The following HMGCS1 variants were observed in gnomAD, a reference collection of about 807,000 sequenced individuals.
HMGCS1 encodes the protein 3-hydroxy-3-methylglutaryl-CoA synthase 1.
In HMGCS1, 9 loss-of-function variants were observed where a neutral mutation model predicts 52.3. That is an observed-to-expected ratio of 0.17 (90% CI 0.10 to 0.30). The LOEUF (loss-of-function observed/expected upper bound fraction) is 0.30. HMGCS1 is among the 10% of genes least tolerant of loss of function. The pLI is 1.00. For synonymous variants in HMGCS1, 176 were observed against 214.4 expected, an observed-to-expected ratio of 0.82 and a Z score of 1.57; for missense variants, 320 against 620.9, an observed-to-expected ratio of 0.52 and a Z score of 5.15.
chr5:43,304,523 T>C (rs1754469373), intron 2 of HMGCS1, among the ~76,000 whole-genome samples: 2 of 152,272 alleles, frequency 1.3e-5, no homozygotes, highest in Admixed American at 1.3e-4. Context: ...TAAAAAGTTA[T>C]AATGCAAGGC....
intron 1 of HMGCS1, among the ~76,000 whole-genome samples, chr5:43,308,677 C>A (rs774320272): frequency 1.3e-5 from 2 of 152,174 alleles, no homozygotes; most frequent in Non-Finnish European, 1.5e-5. Context: ...CTTGAGATGG[C>A]AACTTCTATG....
chr5:43,291,859 T>C (rs1174852117), intron 10 of HMGCS1, among the ~76,000 whole-genome samples: 1 of 152,190 alleles, frequency 6.6e-6, no homozygotes, highest in Non-Finnish European at 1.5e-5. Flanking sequence ...TGGGATGAGA[T>C]GTGAAAGGAT....
intron 2 of HMGCS1, among the ~76,000 whole-genome samples, 172 bp downstream of exon 2, chr5:43,307,594 T>C (rs1404435268): frequency 6.6e-6 from 1 of 152,222 alleles, no homozygotes; most frequent in Non-Finnish European, 1.5e-5. Flanking sequence ...AACATAAAAT[T>C]AGTTTCCTGA....
chr5:43,312,365 G>A (rs902495638), intron 1 of HMGCS1, among the ~76,000 whole-genome samples: 20 of 152,226 alleles, frequency 1.3e-4, no homozygotes, highest in Admixed American at 4.6e-4. Context: ...GGTGAGCAGT[G>A]AAAGCAGCTA....
rs887517840 is a variant in HMGCS1, at chr5:43,298,227, C to T, written c.449-93G>A. 2.0e-5 allele frequency: 22 copies of T among 1,091,764 alleles called. No individual in the cohort carries two copies. In the East Asian group the frequency reaches 3.4e-4, roughly 17 times the overall value. 67.6% of individuals were successfully genotyped at this position (1,091,764 alleles called of 1,614,324 possible). A position where few individuals can be genotyped will look rare whatever the true frequency, so the allele number is the denominator to read the frequency against. On this transcript the variant is annotated intron_variant, in intron 3 of 10. Transcript: ENST00000325110. The surrounding 1 kb of genome is among the most constrained non-coding windows in gnomAD (Gnocchi z 5.6). ...TCTGTTATATTTTCCCCAGAATATG[C>T]TTTTCCCTTCTTTGATAAAGAAAGA...
At chr5:43,306,590 T>C (rs540302471) in intron 2 of HMGCS1, among the ~76,000 whole-genome samples, 2 of 152,332 alleles carry the variant, frequency 1.3e-5, no homozygotes, top group East Asian at 1.9e-4. Flanking sequence ...GAAATGCTCA[T>C]TGGAACATTT....
intron 2 of HMGCS1, among the ~76,000 whole-genome samples, chr5:43,305,938 A>G (rs1201045131): frequency 6.6e-6 from 1 of 152,044 alleles, no homozygotes; most frequent in Non-Finnish European, 1.5e-5. Flanking sequence ...TACTATATTC[A>G]CCATAAAATA....
At chr5:43,294,209 T>C in intron 7 of HMGCS1, 47 bp from the exon 8 acceptor site, 1 of 1,165,114 alleles carries the variant, frequency 8.6e-7, no homozygotes, top group Non-Finnish European at 1.3e-6. Flanking sequence ...GATCCAAAGC[T>C]ACAGCGTGTG....
intron 6 of HMGCS1, among the ~76,000 whole-genome samples, chr5:43,295,188 T>A (rs1322465945): frequency 6.6e-6 from 1 of 152,230 alleles, no homozygotes; most frequent in African/African-American, 2.4e-5. Context: ...CTGAATAGAA[T>A]ACTATTTCAA....
intron 5 of HMGCS1, among the ~76,000 whole-genome samples, chr5:43,296,193 T>A (rs542793376): frequency 6.6e-6 from 1 of 152,142 alleles, no homozygotes; most frequent in African/African-American, 2.4e-5. Flanking sequence ...TTTTTTTAAA[T>A]AAAAGAGTAT....
chr5:43,305,503 C>CCA (rs1265577189), intron 2 of HMGCS1, among the ~76,000 whole-genome samples: 8 of 151,934 alleles, frequency 5.3e-5, no homozygotes, highest in African/African-American at 1.9e-4. Context: ...GGTGTGATGG[C>CCA]TCACACCTGT....
At chr5:43,309,413 T>A (rs985949157) in intron 1 of HMGCS1, among the ~76,000 whole-genome samples, 17 of 152,054 alleles carry the variant, frequency 1.1e-4, no homozygotes, top group African/African-American at 3.9e-4. Context: ...CTGATTTTTG[T>A]ATTTTTTGTA....
At position 43,298,214 on chromosome 5, in the gene HMGCS1, TC is replaced by T. The variant is rs1754129520; in HGVS notation, c.449-81del. 1 of 1,239,614 alleles carries T rather than the reference TC, an allele frequency of 8.1e-7. No individual in the cohort carries two copies. The highest frequency in any genetic ancestry group is 2.4e-5 in the East Asian group (1 of 41,924). The allele number at this position is 1,239,614 out of a possible 1,614,324, so 76.8% of individuals were successfully genotyped here. On this transcript the variant is annotated intron_variant, in intron 3 of 10. Coordinates refer to ENST00000325110, the MANE Select transcript of HMGCS1 (RefSeq NM_001098272.3). This position sits in a 1 kb window ranked among gnomAD's most constrained non-coding sequence, Gnocchi z 5.6. The stretch of plus-strand genomic sequence containing the variant: ...ATGGAAACTGAAGTCTGTTATATTT[TC>T]CCCAGAATATGCTTTTCCCTTCTTT...
At chr5:43,302,159 G>A (rs1375472267) in intron 2 of HMGCS1, among the ~76,000 whole-genome samples, 1 of 152,052 alleles carries the variant, frequency 6.6e-6, no homozygotes, top group Admixed American at 6.6e-5. Flanking sequence ...TCCTATATGG[G>A]ACTTAACACA....
At position 43,289,991 on chromosome 5, in the gene HMGCS1, G is replaced by T. The variant is rs1351521426; in HGVS notation, c.*1140C>A. On this transcript the variant is annotated 3_prime_UTR_variant, in exon 11 of 11. Coordinates refer to ENST00000325110, the MANE Select transcript of HMGCS1 (RefSeq NM_001098272.3). The stretch of plus-strand genomic sequence containing the variant: ...CTGTGTGATAGTTTTGTTTGTTGTT[G>T]TTTTTTAAGGTAAAAGTCCTACTTC... The T allele has an allele frequency of 6.7e-6, 1 of 149,298 alleles. No individual in the cohort carries two copies. The allele number at this position is 149,298 out of a possible 1,614,324, so 9.2% of individuals were successfully genotyped here. A position where few individuals can be genotyped will look rare whatever the true frequency, so the allele number is the denominator to read the frequency against.
chr5:43,297,882 C>T (rs920888929), intron 4 of HMGCS1, 127 bp downstream of exon 4: 2 of 643,234 alleles, frequency 3.1e-6, no homozygotes, highest in South Asian at 4.8e-5. Flanking sequence ...TGATAACACA[C>T]ATAAAGCTCT....
chr5:43,289,266 T>C lies in HMGCS1; in HGVS notation c.*1865A>G, dbSNP rs1039294534. On this transcript the variant is annotated 3_prime_UTR_variant, in exon 11 of 11. Coordinates refer to ENST00000325110, the MANE Select transcript of HMGCS1 (RefSeq NM_001098272.3). The stretch of plus-strand genomic sequence containing the variant: ...CTTATATTAGGATTTCAAATGTTTG[T>C]GAAATGATAAATGAATGGAATGAGT... 2.0e-5 allele frequency: 3 copies of C among 152,450 alleles called. No homozygotes were observed. The highest frequency in any genetic ancestry group is 7.2e-5 in the African/African-American group (3 of 41,454). 9.4% of individuals were successfully genotyped at this position (152,450 alleles called of 1,614,324 possible).
chr5:43,298,183 C>A lies in HMGCS1; in HGVS notation c.449-49G>T. On this transcript the variant is annotated intron_variant, in intron 3 of 10. Coordinates refer to ENST00000325110, the MANE Select transcript of HMGCS1 (RefSeq NM_001098272.3). The surrounding 1 kb of genome is among the most constrained non-coding windows in gnomAD (Gnocchi z 5.6). ...CACAAGAAGGAATTCAACACTATAA[C>A]CAAACATGGAAACTGAAGTCTGTTA... 1 of 1,512,388 alleles carries A rather than the reference C, an allele frequency of 6.6e-7. No individual in the cohort carries two copies. Among genetic ancestry groups the A allele is most frequent in the South Asian group, 1.2e-5 (1 of 83,202 alleles). The allele number at this position is 1,512,388 out of a possible 1,614,324, so 93.7% of individuals were successfully genotyped here.
At position 43,294,740 on chromosome 5, in the gene HMGCS1, T is replaced by C; in HGVS notation, c.1027A>G (p.Asn343Asp). 1 of 1,612,870 alleles carries C rather than the reference T, an allele frequency of 6.2e-7. No homozygotes were observed. The highest frequency in any genetic ancestry group is 8.5e-7 in the Non-Finnish European group (1 of 1,179,124). The change falls in exon 7 of 11, where the codon AAT (asparagine) becomes GAT (aspartate). Residue 343 changes from asparagine to aspartate, a missense_variant. Around this residue, in one of 3 missense-constraint regions of HMGCS1, gnomAD observed 213 missense variants for 337.4 expected, o/e 0.63. Coordinates refer to ENST00000325110, the MANE Select transcript of HMGCS1 (RefSeq NM_001098272.3). ...ASLLVSNQNG[N>D]MYTSSVYGSL... Reference sequence around the variant, plus strand: ...CCATATACTGAAGATGTGTACATATTTCCATTTTGATTTGATACAAGTAAA... The same window carrying C: ...CCATATACTGAAGATGTGTACATATCTCCATTTTGATTTGATACAAGTAAA...
Sources: allele counts gnomAD v4.1 joint callset (sites outside exome capture counted in the v4.1 genomes callset), GRCh38; gene constraint gnomAD v4.1.1; regional missense constraint gnomAD v4.1.1; non-coding constraint Gnocchi (gnomAD v3.1); transcripts MANE v1.5; gene names NCBI Gene and HGNC (gene_info 2026-07-23, HGNC 2026-07-21).